MACROD2: variants seen among roughly 807,000 people sequenced by gnomAD.
MACROD2 encodes ADP-ribose glycohydrolase MACROD2.
MACROD2 carries 36 observed loss-of-function variants against 70.4 expected under a neutral mutation model. That is an observed-to-expected ratio of 0.51 (90% confidence interval 0.39 to 0.68). The LOEUF is 0.68. Ranked by LOEUF, MACROD2 falls within the 30% of genes least tolerant of loss-of-function variation. The pLI, the probability that MACROD2 is intolerant of heterozygous loss-of-function variation, is 0.00. For synonymous variants in MACROD2, 172 were observed against 178.8 expected (o/e 0.96, Z 0.30); for missense variants, 496 against 538.4 (o/e 0.92, Z 0.78).
chr20:15,720,670 G>A (rs1363704720), intron 8 of MACROD2, among the ~76,000 whole-genome samples: 1 of 152,136 alleles, frequency 6.6e-6, no homozygotes, highest in African/African-American at 2.4e-5. Flanking sequence ...TGGACTATTG[G>A]CAGTGAGAGG....
intron 5 of MACROD2, among the ~76,000 whole-genome samples, chr20:15,171,643 T>C (rs1391671962): frequency 6.6e-6 from 1 of 152,078 alleles, no homozygotes; most frequent in Non-Finnish European, 1.5e-5. Context: ...CCCCTCTCTT[T>C]CTCTCAATTG....
At chr20:15,154,407 C>G (rs913881380) in intron 5 of MACROD2, among the ~76,000 whole-genome samples, 5 of 152,216 alleles carry the variant, frequency 3.3e-5, no homozygotes, top group Admixed American at 2.6e-4. Context: ...GATGAAAGCT[C>G]TCTACCTACT....
At chr20:15,168,102 G>T (rs1260066464) in intron 5 of MACROD2, among the ~76,000 whole-genome samples, 1 of 152,188 alleles carries the variant, frequency 6.6e-6, no homozygotes, top group East Asian at 1.9e-4. Context: ...TGACCGTGGG[G>T]TGTGTAAGAG....
intron 5 of MACROD2, among the ~76,000 whole-genome samples, chr20:14,717,055 C>A (rs7347361): frequency 0.15 from 23,049 of 151,856 alleles, 2,163 homozygotes; most frequent in South Asian, 0.37. Context: ...GGTATTGAAC[C>A]TTAGAACCAA....
chr20:15,820,795 C>A (rs1322771756), intron 8 of MACROD2, among the ~76,000 whole-genome samples: 1 of 152,164 alleles, frequency 6.6e-6, no homozygotes, highest in Non-Finnish European at 1.5e-5. Context: ...CTTAAGATGT[C>A]ATCTGAGCTT....
intron 5 of MACROD2, among the ~76,000 whole-genome samples, chr20:15,050,378 A>G (rs2075429609): frequency 6.6e-6 from 1 of 152,192 alleles, no homozygotes. Context: ...TACTTTTTTC[A>G]TAATTGATTA....
At chr20:14,250,609 G>A (rs979932822) in intron 3 of MACROD2, among the ~76,000 whole-genome samples, 8 of 152,094 alleles carry the variant, frequency 5.3e-5, no homozygotes, top group Non-Finnish European at 8.8e-5. Flanking sequence ...AATTGTAGAT[G>A]GATCAGGCAT....
At chr20:14,745,986 A>G (rs1312813580) in intron 5 of MACROD2, among the ~76,000 whole-genome samples, 2 of 152,138 alleles carry the variant, frequency 1.3e-5, no homozygotes, top group Admixed American at 1.3e-4. Flanking sequence ...TTTGAAGACA[A>G]CTTGGCCAGA....
chr20:15,105,779 A>G (rs1018410518), intron 5 of MACROD2, among the ~76,000 whole-genome samples: 1 of 152,074 alleles, frequency 6.6e-6, no homozygotes, highest in Non-Finnish European at 1.5e-5. Context: ...GACATAGACT[A>G]TCTCATTGAC....
intron 15 of MACROD2, among the ~76,000 whole-genome samples, chr20:16,035,487 T>C (rs1470428268): frequency 6.6e-6 from 1 of 151,854 alleles, no homozygotes; most frequent in Non-Finnish European, 1.5e-5. Flanking sequence ...CATTTGTAGT[T>C]TGATAGATGA....
At chr20:14,685,722 T>G (rs1038462046) in intron 5 of MACROD2, among the ~76,000 whole-genome samples, 1 of 152,210 alleles carries the variant, frequency 6.6e-6, no homozygotes, top group African/African-American at 2.4e-5. Flanking sequence ...TGTATTGACC[T>G]GGAAATTGAG....
intron 10 of MACROD2, among the ~76,000 whole-genome samples, chr20:15,908,239 T>C (rs2065179278): frequency 6.6e-6 from 1 of 152,136 alleles, no homozygotes; most frequent in African/African-American, 2.4e-5. Context: ...GGGGGAAAAG[T>C]ACTAAGGACA....
intron 4 of MACROD2, among the ~76,000 whole-genome samples, chr20:14,595,096 A>AACAATCAAATAAACAACTC (rs1982036242): frequency 6.6e-6 from 1 of 152,116 alleles, no homozygotes; most frequent in African/African-American, 2.4e-5. Context: ...TCACTCATTC[A>AACAATCAAATAAACAACTC]ACAATCAAAT....
chr20:14,272,168 G>C (rs1287745561), intron 3 of MACROD2, among the ~76,000 whole-genome samples: 1 of 152,048 alleles, frequency 6.6e-6, no homozygotes, highest in Non-Finnish European at 1.5e-5. Flanking sequence ...TCCTCGAGAA[G>C]AGCAACTCCA....
At chr20:14,589,423 T>C (rs1392578067) in intron 4 of MACROD2, among the ~76,000 whole-genome samples, 6 of 152,196 alleles carry the variant, frequency 3.9e-5, no homozygotes, top group Admixed American at 2.0e-4. Flanking sequence ...ACATCTTTCT[T>C]GGTTTCATTT....
rs191533489 is a variant in MACROD2, at chr20:14,260,412, T to A, written c.271+174684T>A. 1.6e-4 allele frequency among the ~76,000 whole-genome samples: 25 copies of A among 152,358 alleles called. 1 individual carries two copies. The highest frequency in any genetic ancestry group is 5.3e-4 in the African/African-American group (22 of 41,586). ...ATGTCATGTCTGCCTTTCTCAAAGA[T>A]AAAGGTACTTTGATTAACCCTAAGC... is the stretch of plus-strand genomic sequence containing the variant. On this transcript the variant is annotated intron_variant, in intron 3 of 17. Coordinates refer to ENST00000684519, the MANE Select transcript of MACROD2 (RefSeq NM_001351661.2).
intron 10 of MACROD2, among the ~76,000 whole-genome samples, chr20:15,925,127 A>G (rs1409190994): frequency 1.3e-5 from 2 of 152,210 alleles, no homozygotes; most frequent in Non-Finnish European, 2.9e-5. Flanking sequence ...GGCATAATTT[A>G]TCATCAATTT....
At chr20:15,879,938 G>GA (rs1029840775) in intron 9 of MACROD2, among the ~76,000 whole-genome samples, 13 of 151,992 alleles carry the variant, frequency 8.6e-5, no homozygotes, top group Non-Finnish European at 1.9e-4. Flanking sequence ...CTGAAGGCAG[G>GA]AAAAAAACCC....
chr20:15,668,454 G>T (rs1795374150), intron 8 of MACROD2, among the ~76,000 whole-genome samples: 1 of 152,026 alleles, frequency 6.6e-6, no homozygotes, highest in Non-Finnish European at 1.5e-5. Context: ...TGTAATCCCA[G>T]CTACTTGGGA....
Sources: gnomAD v4.1 joint callset for allele counts (sites outside exome capture counted in the v4.1 genomes callset) on GRCh38, gnomAD v4.1.1 for gene constraint, MANE v1.5 for transcripts, NCBI Gene and HGNC (gene_info 2026-07-23, HGNC 2026-07-21) for gene names.